The following OR3A2 variants were observed in gnomAD, a reference collection of about 807,000 sequenced individuals.
OR3A2 encodes olfactory receptor 3A2.
For synonymous variants in OR3A2, 126 were observed against 159.3 expected, an observed-to-expected ratio of 0.79 and a Z score of 1.57; for missense variants, 318 against 392.8, an observed-to-expected ratio of 0.81 and a Z score of 1.61.
In OR3A2 at chr17:3,283,375, G is replaced by A. The variant is rs185177905; in HGVS notation, c.-7+983C>T. Among the ~76,000 whole-genome samples, 226 of 152,150 alleles carry A rather than the reference G, an allele frequency of 1.5e-3. 1 individual carries two copies. The highest frequency in any genetic ancestry group is 5.2e-3 in the African/African-American group (217 of 41,510). ...TGAGTAGCTGGGATTACAGGCATGC[G>A]CCACCACGCCCAGCTAACTTTGTAT... On this transcript the variant is annotated intron_variant, in intron 1 of 1. Coordinates refer to ENST00000642052, the Ensembl canonical transcript of OR3A2.
At chr17:3,301,779 G>A (rs2048967913) in intron 3 of OR3A2, among the ~76,000 whole-genome samples, 1 of 152,172 alleles carries the variant, frequency 6.6e-6, no homozygotes, top group African/African-American at 2.4e-5. Context: ...CCTATGTCCT[G>A]AATGGTATTG....
chr17:3,341,736 T>C (rs1416875275), intron 2 of OR3A2, among the ~76,000 whole-genome samples: 1 of 152,208 alleles, frequency 6.6e-6, no homozygotes, highest in African/African-American at 2.4e-5. Flanking sequence ...CTGACAATTA[T>C]GTGTCTTGGA....
At chr17:3,364,349 T>C (rs984139827) in intron 2 of OR3A2, among the ~76,000 whole-genome samples, 1 of 152,248 alleles carries the variant, frequency 6.6e-6, no homozygotes, top group Non-Finnish European at 1.5e-5. Flanking sequence ...TTCTTTGTGA[T>C]GAAAACATTT....
intron 3 of OR3A2, among the ~76,000 whole-genome samples, chr17:3,295,524 G>A (rs2048912082): frequency 6.6e-6 from 1 of 152,094 alleles, no homozygotes. Context: ...AGCCCTTACA[G>A]TGAAAGGCTA....
rs560330578 is a variant in OR3A2, at chr17:3,325,017, T to C, written c.-85+11016A>G. Among the ~76,000 whole-genome samples, 71 of 152,230 alleles carry C rather than the reference T, an allele frequency of 4.7e-4. 1 individual carries two copies. In the South Asian group the frequency reaches 8.3e-3, roughly 18 times the overall value. On this transcript the variant is annotated intron_variant, in intron 3 of 4. Transcript: ENST00000573491. ...TACTTTATGACTTCTGTCTTTGCTG[T>C]TATGCTTGAAACTATTTCCCCATCT...
At chr17:3,324,121 C>G (rs947955749) in intron 3 of OR3A2, among the ~76,000 whole-genome samples, 2 of 152,090 alleles carry the variant, frequency 1.3e-5, no homozygotes, top group East Asian at 1.9e-4. Context: ...TCTTCCATCA[C>G]TGATACCCTT....
intron 3 of OR3A2, among the ~76,000 whole-genome samples, chr17:3,335,348 C>T (rs1484448447): frequency 1.3e-5 from 2 of 151,930 alleles, no homozygotes; most frequent in African/African-American, 2.4e-5. Context: ...TCTTCCTTTT[C>T]TTGTATGCCT....
At chr17:3,279,555 A>T (rs1421614824) in intron 1 of OR3A2, among the ~76,000 whole-genome samples, 1 of 152,220 alleles carries the variant, frequency 6.6e-6, no homozygotes, top group East Asian at 1.9e-4. Flanking sequence ...GCAGTTTGGG[A>T]GGCCAAGGCG....
chr17:3,321,612 G>A (rs1381906054), intron 3 of OR3A2, among the ~76,000 whole-genome samples: 2 of 151,766 alleles, frequency 1.3e-5, no homozygotes, highest in South Asian at 2.1e-4. Context: ...TTTGTCAAAG[G>A]CCTTTTCTGC....
intron 1 of OR3A2, chr17:3,385,832 T>C (rs2049772697): frequency 5.0e-6 from 2 of 398,162 alleles, no homozygotes; most frequent in Admixed American, 4.4e-5. Flanking sequence ...AAAATGTATA[T>C]CTGGAACCTC....
chr17:3,315,476 T>C (rs2049074367), intron 3 of OR3A2, among the ~76,000 whole-genome samples: 3 of 152,292 alleles, frequency 2.0e-5, no homozygotes, highest in South Asian at 2.1e-4. Flanking sequence ...GTCGGCCACT[T>C]GTATGTCTTC....
chr17:3,279,029 G>A, intron 1 of OR3A2, 47 bp downstream of exon 4: 1 of 1,531,400 alleles, frequency 6.5e-7, no homozygotes, highest in Non-Finnish European at 8.8e-7. Flanking sequence ...CGAGTCCCCA[G>A]GCCATCCCTC....
At chr17:3,304,947 G>A (rs1461361958) in intron 3 of OR3A2, among the ~76,000 whole-genome samples, 1 of 152,134 alleles carries the variant, frequency 6.6e-6, no homozygotes, top group Non-Finnish European at 1.5e-5. Flanking sequence ...TTTTAGAATA[G>A]GTAGAATTAA....
intron 3 of OR3A2, among the ~76,000 whole-genome samples, chr17:3,289,387 G>A (rs1378930908): frequency 1.3e-5 from 2 of 152,236 alleles, no homozygotes; most frequent in African/African-American, 4.8e-5. Flanking sequence ...CAGGGACCTG[G>A]GAATCAGGCC....
intron 2 of OR3A2, among the ~76,000 whole-genome samples, chr17:3,378,613 C>T (rs9901211): frequency 1.3e-5 from 2 of 152,026 alleles, no homozygotes; most frequent in Admixed American, 6.5e-5. Flanking sequence ...CCAGCTCCAC[C>T]GAGCACGCAG....
At chr17:3,301,310 A>C (rs951095016) in intron 3 of OR3A2, among the ~76,000 whole-genome samples, 1 of 152,170 alleles carries the variant, frequency 6.6e-6, no homozygotes, top group African/African-American at 2.4e-5. Context: ...TCCCACCAAC[A>C]GTGTAAAAGT....
chr17:3,367,712 T>G (rs1030715298), intron 2 of OR3A2, among the ~76,000 whole-genome samples: 1 of 151,784 alleles, frequency 6.6e-6, no homozygotes, highest in Non-Finnish European at 1.5e-5. Context: ...TAAACATGCA[T>G]GTGCAAGTAT....
At chr17:3,302,722 C>T (rs2048974628) in intron 3 of OR3A2, among the ~76,000 whole-genome samples, 3 of 152,110 alleles carry the variant, frequency 2.0e-5, no homozygotes, top group South Asian at 2.1e-4. Context: ...GGATGTTGAC[C>T]GACTGGGAAA....
intron 3 of OR3A2, among the ~76,000 whole-genome samples, chr17:3,312,981 TCATACGTA>T: frequency 6.6e-6 from 1 of 152,280 alleles, no homozygotes; most frequent in Admixed American, 6.5e-5. Flanking sequence ...TCTGTTTAAT[TCATACGTA>T]CAGATAATTA....
Sources: gnomAD v4.1 joint callset for allele counts (sites outside exome capture counted in the v4.1 genomes callset) on GRCh38, gnomAD v4.1.1 for gene constraint, MANE v1.5 for transcripts, NCBI Gene and HGNC (gene_info 2026-07-23, HGNC 2026-07-21) for gene names.